The following LATS1 variants were observed in gnomAD, a reference collection of about 807,000 sequenced individuals.
LATS1 encodes the protein large tumor suppressor kinase 1, also known as serine/threonine-protein kinase LATS1.
A neutral mutation model predicts 106.6 loss-of-function variants in LATS1; 25 were observed. The observed-to-expected ratio is 0.23, with a 90% CI of 0.17 to 0.33. The LOEUF (loss-of-function observed/expected upper bound fraction) is 0.33. LATS1 is among the 10% of genes least tolerant of loss of function. The probability of loss-of-function intolerance (pLI) is 1.00; values close to 1 mark genes in which losing one functional copy is unlikely to be tolerated. For missense variants in LATS1, 1,040 were observed against 1,382.6 expected, an observed-to-expected ratio of 0.75 and a Z score of 3.93; for synonymous variants, 465 against 455.6, an observed-to-expected ratio of 1.02 and a Z score of -0.26.
In LATS1 at chr6:149,680,260, A is replaced by C. The variant is rs147607580; in HGVS notation, c.2208T>G (p.Leu736=). 2.1e-5 allele frequency: 34 copies of C among 1,613,868 alleles called. No individual in the cohort carries two copies. The highest frequency in any genetic ancestry group is 2.7e-5 in the Non-Finnish European group (32 of 1,180,018). Residue 736 remains leucine, a synonymous_variant, in exon 5 of 8, where the codon CTT becomes CTG. Transcript: ENST00000543571. ...TTCGAAGAAGAACATCTTTCTTTCGAAGAGTTTTTGTTGCATACAAAGCCT... is the reference window on the plus strand; with the variant it reads ...TTCGAAGAAGAACATCTTTCTTTCGCAGAGTTTTTGTTGCATACAAAGCCT... The part of the protein sequence containing the change: ...DTKALYATKT[L]RKKDVLLRNQ...
intron 3 of LATS1, among the ~76,000 whole-genome samples, chr6:149,692,472 C>G (rs1252325574): frequency 1.3e-5 from 2 of 152,088 alleles, no homozygotes; most frequent in African/African-American, 4.8e-5. Context: ...TAACTCTCCT[C>G]TCTTCATTCA....
intron 1 of LATS1, among the ~76,000 whole-genome samples, chr6:149,715,315 C>G (rs929406087): frequency 1.3e-5 from 2 of 152,142 alleles, no homozygotes; most frequent in African/African-American, 4.8e-5. Flanking sequence ...GTAATCCGCC[C>G]TCCTTGGCCT....
At chr6:149,682,481 G>A (rs576361057) in intron 4 of LATS1, among the ~76,000 whole-genome samples, 4 of 148,684 alleles carry the variant, frequency 2.7e-5, no homozygotes, top group East Asian at 4.0e-4. Context: ...GCGCGATCTC[G>A]GCTCACTGCA....
chr6:149,697,580 C>T (rs757678989), intron 2 of LATS1, among the ~76,000 whole-genome samples: 4 of 152,100 alleles, frequency 2.6e-5, no homozygotes, highest in Admixed American at 2.0e-4. Flanking sequence ...ATAGAAATCA[C>T]CCATTAAAAT....
intron 2 of LATS1, chr6:149,697,146 G>A (rs1783142846): frequency 7.4e-7 from 1 of 1,347,392 alleles, no homozygotes; most frequent in Admixed American, 1.9e-5. Context: ...AAATGGCTTA[G>A]TAAGACTAAT....
In LATS1 at chr6:149,684,605, G is replaced by A; in HGVS notation, c.497-13C>T. ...TGCTGCACATTCCCTATGGTTATAA[G>A]AGAGATAAAGAGAAAAAAGAATCAT... is the stretch of plus-strand genomic sequence containing the variant. On this transcript the variant is annotated splice_polypyrimidine_tract_variant and intron_variant, in intron 3 of 7. Transcript: ENST00000543571. 16 of 1,501,662 alleles carry A rather than the reference G, an allele frequency of 1.1e-5. No individual in the cohort carries two copies. Among genetic ancestry groups the A allele is most frequent in the Non-Finnish European group, 1.2e-5 (14 of 1,121,382 alleles). 93.0% of individuals were successfully genotyped at this position (1,501,662 alleles called of 1,614,324 possible). A position where few individuals can be genotyped will look rare whatever the true frequency, so the allele number is the denominator to read the frequency against.
intron 2 of LATS1, chr6:149,696,957 C>T (rs1012741171): frequency 6.9e-6 from 3 of 433,914 alleles, no homozygotes; most frequent in Non-Finnish European, 1.4e-5. Context: ...AACTACCAAG[C>T]ACAGTGCCTG....
In LATS1 at chr6:149,702,971, C is replaced by G. The variant is rs540555576; in HGVS notation, c.-140-705G>C. ...TACAGGTGTGAGCCACCGTGCCCAG[C>G]CTTTTTTTTTTTGAGACAGAATCTT... is the stretch of plus-strand genomic sequence containing the variant. On this transcript the variant is annotated intron_variant, in intron 1 of 7. Transcript: ENST00000543571. Among the ~76,000 whole-genome samples the G allele has an allele frequency of 7.9e-5, 12 of 151,452 alleles. No homozygotes were observed. The South Asian group carries it at 2.3e-3, about 29-fold the overall frequency.
chr6:149,715,595 A>T (rs1784337859), intron 1 of LATS1, among the ~76,000 whole-genome samples: 1 of 152,172 alleles, frequency 6.6e-6, no homozygotes, highest in Non-Finnish European at 1.5e-5. Context: ...ACATAACGAA[A>T]TTAGTTAATA....
At chr6:149,694,041 G>C (rs1316056348) in intron 3 of LATS1, among the ~76,000 whole-genome samples, 3 of 152,094 alleles carry the variant, frequency 2.0e-5, no homozygotes, top group Non-Finnish European at 4.4e-5. Context: ...AGTGAGCTGA[G>C]AACATACCAC....
Position 149,698,972 on chromosome 6 carries a change from A to G in LATS1, c.348+2807T>C, listed in dbSNP as rs182601898. 7.4e-3 allele frequency among the ~76,000 whole-genome samples: 1,128 copies of G among 152,268 alleles called. 22 individuals are homozygous for G. Among genetic ancestry groups the G allele is most frequent in the African/African-American group, 0.026 (1,093 of 41,538 alleles). ...TATTATGTGCTCCAAGAATGCATCA[A>G]TCCTATTTAACATTTATTCCTATGA... is the stretch of plus-strand genomic sequence containing the variant. On this transcript the variant is annotated intron_variant, in intron 2 of 7. Transcript: ENST00000543571.
rs781427430 is a variant in LATS1, at chr6:149,661,735, A to G, written c.3387T>C (p.Tyr1129=). 8 of 1,555,908 alleles carry G rather than the reference A, an allele frequency of 5.1e-6. No homozygotes were observed. Among genetic ancestry groups the G allele is most frequent in the Non-Finnish European group, 6.9e-6 (8 of 1,154,778 alleles). Residue 1129 remains tyrosine (Y), a synonymous_variant, in exon 8 of 8, where the codon TAT becomes TAC. Coordinates refer to ENST00000543571, the MANE Select transcript of LATS1 (RefSeq NM_004690.4). The part of the protein sequence containing the change: ...GSEIKNRDLV[Y]V Reference sequence around the variant, plus strand: ...ACATTTATTTACTAGTGTGTTAAACATATACTAGATCGCGATTTTTAATCT... The same window carrying G: ...ACATTTATTTACTAGTGTGTTAAACGTATACTAGATCGCGATTTTTAATCT...
intron 1 of LATS1, among the ~76,000 whole-genome samples, chr6:149,706,935 C>A (rs1344560879): frequency 1.3e-5 from 2 of 151,354 alleles, no homozygotes; most frequent in African/African-American, 4.9e-5. Context: ...TAATAATAAT[C>A]ACTATTAATA....
In LATS1 at chr6:149,683,927, C is replaced by T; in HGVS notation, c.1162G>A (p.Ala388Thr). The change falls in exon 4 of 8, where the codon GCT becomes ACT. Residue 388 changes from alanine (A) to threonine (T), a missense_variant. Physicochemically the swap from Ala to Thr is moderately conservative, Grantham distance 58. Transcript: ENST00000543571. Reference protein sequence around the residue: ...LTAANGQSPSALQTGGSAAPS... With the variant: ...LTAANGQSPSTLQTGGSAAPS... ...GCAGCAGATCCCCCTGTTTGTAAAG[C>T]AGAAGGGCTTTGTCCATTAGCTGCT... 1.2e-6 allele frequency: 2 copies of T among 1,614,022 alleles called. No individual in the cohort carries two copies. Among genetic ancestry groups the T allele is most frequent in the Non-Finnish European group, 1.7e-6 (2 of 1,179,970 alleles).
intron 2 of LATS1, chr6:149,697,238 G>GT: frequency 3.6e-6 from 3 of 842,264 alleles, no homozygotes; most frequent in Non-Finnish European, 5.4e-6. Flanking sequence ...AAAGGATGTG[G>GT]TAAGAACTTA....
intron 4 of LATS1, among the ~76,000 whole-genome samples, chr6:149,681,784 G>C (rs560063299): frequency 2.0e-5 from 3 of 152,252 alleles, no homozygotes; most frequent in South Asian, 2.1e-4. Context: ...ACAGATGTAA[G>C]ATTAGGAGTC....
intron 1 of LATS1, among the ~76,000 whole-genome samples, chr6:149,715,326 C>G (rs1784326189): frequency 6.6e-6 from 1 of 152,122 alleles, no homozygotes; most frequent in African/African-American, 2.4e-5. Context: ...TCCTTGGCCT[C>G]CCAAAGTGCT....
At chr6:149,672,040 A>T (rs1031067365) in intron 7 of LATS1, among the ~76,000 whole-genome samples, 3 of 151,022 alleles carry the variant, frequency 2.0e-5, no homozygotes, top group African/African-American at 7.3e-5. Flanking sequence ...AGGTGTGTGC[A>T]GCCACACCCA....
In LATS1 at chr6:149,695,154, C is replaced by A. The variant is rs147560862; in HGVS notation, c.416G>T (p.Ser139Ile). The A allele has an allele frequency of 1.9e-4, 306 of 1,611,462 alleles. 2 individuals carry two copies. In the African/African-American group the frequency reaches 3.5e-3, roughly 18 times the overall value. ...TCGAGGATCTTGGTAACTCATTTTA[C>A]TAATGAATTCAATTGCTGCTTCTAT... ...RSIEAAIEFI[S>I]KMSYQDPRRE... Residue 139 changes from serine to isoleucine, a missense_variant, in exon 3 of 8, where the codon AGT (serine) becomes ATT (isoleucine). Transcript: ENST00000543571.
Sources: gnomAD v4.1 joint callset for allele counts (sites outside exome capture counted in the v4.1 genomes callset) on GRCh38, gnomAD v4.1.1 for gene constraint, MANE v1.5 for transcripts, NCBI Gene and HGNC (gene_info 2026-07-23, HGNC 2026-07-21) for gene names.